Variants in FMO2 observed in about 807,000 individuals in gnomAD.
FMO2 encodes flavin-containing monooxygenase 2.
Under a neutral mutation model 41.6 loss-of-function variants are expected in FMO2, and 33 were observed. That is an observed-to-expected ratio of 0.79 (90% CI 0.60 to 1.06). FMO2 has a LOEUF of 1.06. Among genes scored for constraint, FMO2 ranks in the 50% least tolerant of loss-of-function variants. The pLI, the probability that FMO2 is intolerant of heterozygous loss-of-function variation, is 0.00. For missense variants in FMO2, 619 were observed against 632.9 expected (o/e 0.98, Z 0.23); for synonymous variants, 214 against 219.6 (o/e 0.97, Z 0.23).
At chr1:171,194,073 C>A (rs982482688) in intron 3 of FMO2, among the ~76,000 whole-genome samples, 48 of 152,326 alleles carry the variant, frequency 3.2e-4, no homozygotes, top group African/African-American at 8.9e-4. Context: ...AACCACCACA[C>A]CCAGCCTCAA....
At chr1:171,193,300 G>A (rs778478751) in intron 2 of FMO2, 35 bp from the exon 3 acceptor site, 50 of 1,523,888 alleles carry the variant, frequency 3.3e-5, no homozygotes, top group South Asian at 8.4e-5. Flanking sequence ...TTTTGAATGC[G>A]TAATTATCAC....
intron 2 of FMO2, among the ~76,000 whole-genome samples, chr1:171,191,206 C>T (rs1658070964): frequency 6.6e-6 from 1 of 151,966 alleles, no homozygotes; most frequent in East Asian, 1.9e-4. Context: ...TTATTGTTTG[C>T]TGACAGACTA....
chr1:171,203,857 C>T lies in FMO2; in HGVS notation c.628-8C>T. On this transcript the variant is annotated splice_region_variant and splice_polypyrimidine_tract_variant and intron_variant, in intron 5 of 8. Transcript: ENST00000209929. The stretch of plus-strand genomic sequence containing the variant: ...CTAATTTAAACTGCATTTCTTTTTG[C>T]TTGCCAGGTTTTTATCAGCACCAGG... The T allele has an allele frequency of 6.2e-7, 1 of 1,612,888 alleles. No individual in the cohort carries two copies. The highest frequency in any genetic ancestry group is 8.5e-7 in the Non-Finnish European group (1 of 1,179,254).
intron 2 of FMO2, chr1:171,186,370 A>G (rs1657849447): frequency 1.3e-5 from 2 of 152,814 alleles, no homozygotes; most frequent in Non-Finnish European, 2.9e-5. Flanking sequence ...CAAAATATTG[A>G]TAATGCTATT....
chr1:171,198,723 T>G (rs1212739473), intron 4 of FMO2, among the ~76,000 whole-genome samples: 1 of 152,008 alleles, frequency 6.6e-6, no homozygotes, highest in Non-Finnish European at 1.5e-5. Context: ...ATATGTGATA[T>G]TAAAGGGTCA....
Position 171,193,473 on chromosome 1 carries a change from T to C in FMO2, c.271T>C (p.Phe91Leu). 1 of 1,612,276 alleles carries C rather than the reference T, an allele frequency of 6.2e-7. No individual in the cohort carries two copies. Among genetic ancestry groups the C allele is most frequent in the Non-Finnish European group, 8.5e-7 (1 of 1,178,854 alleles). ...FLHNSKLLEY[F>L]RIFAKKFDLL... ...GCATAATTCTAAACTTCTGGAATAT[T>C]TCAGGATTTTTGCTAAAAAATTTGA... is the stretch of plus-strand genomic sequence containing the variant. The change falls in exon 3 of 9, where the codon TTC becomes CTC. Residue 91 changes from phenylalanine (F) to leucine (L), a missense_variant. Transcript: ENST00000209929.
rs1442062004 is a variant in FMO2, at chr1:171,209,543, T to A, written c.*398T>A. On this transcript the variant is annotated 3_prime_UTR_variant, in exon 9 of 9. Transcript: ENST00000209929. ...GTAAATATTTAAAACTCCTGAACAA[T>A]GTTTCTGATGGTCTTCTATCCACCC... 6.5e-6 allele frequency: 1 copy of A among 154,992 alleles called. No homozygotes were observed. The highest frequency in any genetic ancestry group is 1.4e-5 in the Non-Finnish European group (1 of 70,024). The allele number at this position is 154,992 out of a possible 1,614,324, so 9.6% of individuals were successfully genotyped here. A position where few individuals can be genotyped will look rare whatever the true frequency, so the allele number is the denominator to read the frequency against.
intron 5 of FMO2, among the ~76,000 whole-genome samples, chr1:171,203,316 C>T (rs978626226): frequency 7.2e-6 from 1 of 138,862 alleles, no homozygotes; most frequent in African/African-American, 2.9e-5. Flanking sequence ...CAGAGCAAGA[C>T]CCTGTCTCAC....
rs753850512 is a variant in FMO2 at position 171,205,308 on chromosome 1, ATGAT to A, written c.858_861del (p.Asp286GlufsTer13). On this transcript the variant is annotated frameshift_variant, in exon 7 of 9. Coordinates refer to ENST00000209929, the MANE Select transcript of FMO2 (RefSeq NM_001460.5). LOFTEE classifies it high-confidence loss of function. ...ATTATGAAGGAACCTGTACTAAATG[ATGAT>A]GTCCCAAGTCGTCTACTCTGTGGAG... is the stretch of plus-strand genomic sequence containing the variant. 59 of 1,612,272 alleles carry A rather than the reference ATGAT, an allele frequency of 3.7e-5. No individual in the cohort carries two copies. The highest frequency in any genetic ancestry group is 4.6e-5 in the Non-Finnish European group (54 of 1,178,772).
chr1:171,191,508 C>G (rs1326184780), intron 2 of FMO2, among the ~76,000 whole-genome samples: 1 of 152,072 alleles, frequency 6.6e-6, no homozygotes, highest in East Asian at 1.9e-4. Flanking sequence ...GTATTTTGAG[C>G]CAGGGATTCT....
At chr1:171,191,561 G>A (rs1308181636) in intron 2 of FMO2, among the ~76,000 whole-genome samples, 2 of 152,116 alleles carry the variant, frequency 1.3e-5, no homozygotes, top group African/African-American at 4.8e-5. Context: ...TGAAACAATT[G>A]TTGCATGTTT....
rs1658644971 is a variant in FMO2, at chr1:171,203,930, G to A, written c.693G>A (p.Trp231Ter). The A allele has an allele frequency of 1.9e-6, 3 of 1,613,678 alleles. No homozygotes were observed. The highest frequency in any genetic ancestry group is 2.5e-6 in the Non-Finnish European group (3 of 1,179,762). The change falls in exon 6 of 9, where the codon TGG becomes TGA. Residue 231 changes from tryptophan to a stop codon, truncating the protein, a stop_gained. Transcript: ENST00000209929. LOFTEE classifies it high-confidence loss of function. ...GTATCTCTGAAGATGGCTATCCTTG[G>A]GACTCAGTGTTCCACACCCGGTTTC... ...MSRISEDGYP[W>*]DSVFHTRFRS...
At position 171,191,273 on chromosome 1, in the gene FMO2, C is replaced by T. The variant is rs111700637; in HGVS notation, c.133-2062C>T. On this transcript the variant is annotated intron_variant, in intron 2 of 8. Coordinates refer to ENST00000209929, the MANE Select transcript of FMO2 (RefSeq NM_001460.5). ...CCCTGGCCCTAAGATTACTGTAGGG[C>T]CTCAGACATCAAATCAGTTCTTCTC... 4.1e-3 allele frequency among the ~76,000 whole-genome samples: 624 copies of T among 152,248 alleles called. 1 individual carries two copies. The highest frequency in any genetic ancestry group is 7.0e-3 in the Non-Finnish European group (473 of 68,010).
In FMO2 at chr1:171,210,343, A is replaced by G. The variant is rs1658928576; in HGVS notation, c.*1198A>G. Reference sequence around the variant, plus strand: ...GATGCAAAGCATTATAATGACTGACACTTGTATCTAACTCCAGTCTTACAG... The same window carrying G: ...GATGCAAAGCATTATAATGACTGACGCTTGTATCTAACTCCAGTCTTACAG... On this transcript the variant is annotated 3_prime_UTR_variant, in exon 9 of 9. Transcript: ENST00000209929. The G allele has an allele frequency of 6.6e-6, 1 of 152,210 alleles. No homozygotes were observed. The highest frequency in any genetic ancestry group is 2.4e-5 in the African/African-American group (1 of 41,458). 9.4% of individuals were successfully genotyped at this position (152,210 alleles called of 1,614,324 possible).
chr1:171,191,989 C>T (rs1010574729), intron 2 of FMO2, among the ~76,000 whole-genome samples: 6 of 151,664 alleles, frequency 4.0e-5, no homozygotes, highest in African/African-American at 1.2e-4. Context: ...GAGCCATAAT[C>T]ATGTCACTGC....
In FMO2 at chr1:171,205,571, C is replaced by A; in HGVS notation, c.1120C>A (p.Pro374Thr). The A allele has an allele frequency of 1.2e-6, 2 of 1,613,146 alleles. No homozygotes were observed. The highest frequency in any genetic ancestry group is 1.7e-6 in the Non-Finnish European group (2 of 1,179,648). The change falls in exon 7 of 9, where the codon CCC becomes ACC. Residue 374 changes from proline to threonine, a missense_variant. Coordinates refer to ENST00000209929, the MANE Select transcript of FMO2 (RefSeq NM_001460.5). Reference protein sequence around the residue: ...STLACIGLIQPLGSIFPTAEL... With the variant: ...STLACIGLIQTLGSIFPTAEL... Reference sequence around the variant, plus strand: ...CCTCGCGTGCATTGGTCTCATCCAGCCCCTAGGTTCCATTTTCCCAACTGC... The same window carrying A: ...CCTCGCGTGCATTGGTCTCATCCAGACCCTAGGTTCCATTTTCCCAACTGC...
intron 3 of FMO2, 113 bp downstream of exon 3, chr1:171,193,636 T>A (rs1239478942): frequency 2.8e-6 from 2 of 724,840 alleles, no homozygotes; most frequent in Non-Finnish European, 4.5e-6. Context: ...ATTCTAAGTA[T>A]TTGTTGAAAT....
At chr1:171,207,527 G>A (rs371913049) in intron 7 of FMO2, 191 bp from the exon 8 acceptor site, 25 of 515,776 alleles carry the variant, frequency 4.8e-5, no homozygotes, top group Middle Eastern at 5.2e-4. Context: ...AGTCCATGCC[G>A]TAGACTGTGC....
At chr1:171,191,737 C>T (rs1219294318) in intron 2 of FMO2, among the ~76,000 whole-genome samples, 2 of 151,254 alleles carry the variant, frequency 1.3e-5, no homozygotes, top group African/African-American at 4.9e-5. Flanking sequence ...ATTATTTGGT[C>T]TTGGGGCTGG....
Sources: allele counts gnomAD v4.1 joint callset (sites outside exome capture counted in the v4.1 genomes callset), GRCh38; gene constraint gnomAD v4.1.1; transcripts MANE v1.5; gene names NCBI Gene and HGNC (gene_info 2026-07-23, HGNC 2026-07-21).